The following OTUD7A variants were observed in gnomAD, a reference collection of about 807,000 sequenced individuals.
OTUD7A encodes the protein OTU deubiquitinase 7A, also known as OTU domain-containing protein 7A.
OTUD7A carries 12 observed loss-of-function variants against 65.7 expected under a neutral mutation model. That is an observed-to-expected ratio of 0.18 (90% CI 0.12 to 0.30). The LOEUF is 0.30. OTUD7A is among the 10% of genes least tolerant of loss of function. OTUD7A has a pLI of 1.00. For synonymous variants in OTUD7A, 641 were observed against 586.3 expected (o/e 1.09, Z -1.35); for missense variants, 1,148 against 1,304.8 (o/e 0.88, Z 1.85).
chr15:31,485,811 CT>C (rs2041228550), intron 12 of OTUD7A, among the ~76,000 whole-genome samples: 1 of 152,176 alleles, frequency 6.6e-6, no homozygotes, highest in South Asian at 2.1e-4. Flanking sequence ...TTGTCCCCCC[CT>C]CAAACCCTTC....
At chr15:31,587,569 G>C (rs1376779013) in intron 3 of OTUD7A, among the ~76,000 whole-genome samples, 1 of 151,936 alleles carries the variant, frequency 6.6e-6, no homozygotes, top group African/African-American at 2.4e-5. Context: ...TGAACCCAGG[G>C]GGAGAGGTTG....
chr15:31,598,849 G>C (rs1248529643), intron 3 of OTUD7A, among the ~76,000 whole-genome samples: 2 of 152,170 alleles, frequency 1.3e-5, no homozygotes, highest in African/African-American at 2.4e-5. Context: ...GCTGAGGCTT[G>C]AGTAGGTGGT....
At chr15:31,863,177 C>A (rs912665739) in intron 1 of OTUD7A, among the ~76,000 whole-genome samples, 8 of 152,322 alleles carry the variant, frequency 5.3e-5, no homozygotes, top group Middle Eastern at 3.4e-3. Context: ...CAGGGTACAG[C>A]CTCCCTCCTG....
At chr15:31,574,328 C>T (rs1889142158) in intron 3 of OTUD7A, among the ~76,000 whole-genome samples, 1 of 151,836 alleles carries the variant, frequency 6.6e-6, no homozygotes, top group East Asian at 1.9e-4. Context: ...GAACTAAAAC[C>T]AACCGTATCT....
chr15:31,709,528 G>C (rs149167075), intron 1 of OTUD7A, among the ~76,000 whole-genome samples: 1 of 152,270 alleles, frequency 6.6e-6, no homozygotes, highest in Non-Finnish European at 1.5e-5. Context: ...CACAACAGAT[G>C]ATGTGGCCAG....
At chr15:31,726,106 C>T (rs1352062650) in intron 1 of OTUD7A, among the ~76,000 whole-genome samples, 3 of 151,472 alleles carry the variant, frequency 2.0e-5, no homozygotes, top group Non-Finnish European at 4.4e-5. Flanking sequence ...ATTCAAGCGC[C>T]CAAGACTCCG....
At chr15:31,568,898 T>C (rs1450151437) in intron 4 of OTUD7A, among the ~76,000 whole-genome samples, 1 of 152,344 alleles carries the variant, frequency 6.6e-6, no homozygotes, top group East Asian at 1.9e-4. Context: ...GTAAGCTTCC[T>C]GAGGCCTCCC....
At chr15:31,608,311 C>T (rs983242) in intron 3 of OTUD7A, among the ~76,000 whole-genome samples, 48,193 of 152,060 alleles carry the variant, frequency 0.32, 9,731 homozygotes, top group African/African-American at 0.57. Flanking sequence ...CAGTCTAGAA[C>T]TGAAAAATAG....
Position 31,722,181 on chromosome 15 carries a change from A to C in OTUD7A, c.-99-65104T>G, listed in dbSNP as rs571677106. Among the ~76,000 whole-genome samples, 16 of 152,268 alleles carry C rather than the reference A, an allele frequency of 1.1e-4. No individual in the cohort carries two copies. The South Asian group carries it at 3.3e-3, about 32-fold the overall frequency. ...CCCCCGATCCCTCTGAGGTCAAGGG[A>C]ATCTCTGGCAGGGACTGGGAGAGGG... On this transcript the variant is annotated intron_variant, in intron 1 of 12. Transcript: ENST00000307050.
intron 1 of OTUD7A, among the ~76,000 whole-genome samples, chr15:31,772,105 A>T (rs1895251254): frequency 7.6e-6 from 1 of 131,642 alleles, no homozygotes; most frequent in South Asian, 3.0e-4. Context: ...ACAAAAAATT[A>T]GCCGGGCGTA....
intron 1 of OTUD7A, among the ~76,000 whole-genome samples, chr15:31,821,632 A>G (rs1271021943): frequency 6.6e-6 from 1 of 152,176 alleles, no homozygotes; most frequent in Non-Finnish European, 1.5e-5. Flanking sequence ...TCTCTTCCCT[A>G]GAAGTGGAAT....
chr15:31,552,626 G>T (rs572497801), intron 5 of OTUD7A, among the ~76,000 whole-genome samples: 4 of 152,200 alleles, frequency 2.6e-5, no homozygotes, highest in Non-Finnish European at 5.9e-5. Context: ...CCCCCTCAGG[G>T]GGCTGCACAG....
At chr15:31,811,866 C>T (rs2140961852) in intron 1 of OTUD7A, among the ~76,000 whole-genome samples, 1 of 152,336 alleles carries the variant, frequency 6.6e-6, no homozygotes, top group East Asian at 1.9e-4. Flanking sequence ...CCTTTCAGAG[C>T]TGTACACAGA....
chr15:31,664,382 T>C, intron 1 of OTUD7A, among the ~76,000 whole-genome samples: 1 of 151,924 alleles, frequency 6.6e-6, no homozygotes, highest in Non-Finnish European at 1.5e-5. Flanking sequence ...AAGGTGGTAT[T>C]ACATTGTGGT....
chr15:31,569,370 A>T (rs940238583), intron 4 of OTUD7A, among the ~76,000 whole-genome samples: 1 of 152,250 alleles, frequency 6.6e-6, no homozygotes, highest in African/African-American at 2.4e-5. Context: ...AAATGTAGCT[A>T]TTGAGAGATT....
intron 1 of OTUD7A, among the ~76,000 whole-genome samples, chr15:31,718,728 C>T (rs372997374): frequency 6.7e-5 from 9 of 133,600 alleles, no homozygotes; most frequent in African/African-American, 1.8e-4. Context: ...CTAATGTTCC[C>T]GTCCCAAATC....
chr15:31,667,352 G>A (rs191250817), intron 1 of OTUD7A, among the ~76,000 whole-genome samples: 27 of 152,214 alleles, frequency 1.8e-4, no homozygotes, highest in African/African-American at 6.0e-4. Context: ...TTTTCCTGTT[G>A]GACAAGGCCT....
intron 3 of OTUD7A, among the ~76,000 whole-genome samples, chr15:31,637,346 G>C (rs1276737106): frequency 6.6e-6 from 1 of 152,116 alleles, no homozygotes. Flanking sequence ...TTGATACCTT[G>C]GTTTACTGAA....
At chr15:31,826,464 C>G (rs1001668871) in intron 1 of OTUD7A, among the ~76,000 whole-genome samples, 1 of 152,200 alleles carries the variant, frequency 6.6e-6, no homozygotes, top group Admixed American at 6.5e-5. Context: ...ACAGCTTGGG[C>G]ACCCTGGGCC....
Sources: allele counts gnomAD v4.1 joint callset (sites outside exome capture counted in the v4.1 genomes callset), GRCh38; gene constraint gnomAD v4.1.1; transcripts MANE v1.5; gene names NCBI Gene and HGNC (gene_info 2026-07-23, HGNC 2026-07-21).